Variants in FAM50A observed in about 807,000 individuals in gnomAD.
FAM50A encodes family with sequence similarity 50 member A.
FAM50A carries 6 observed loss-of-function variants against 35.5 expected under a neutral mutation model. The observed-to-expected ratio is 0.17, with a 90% confidence interval of 0.09 to 0.33. The LOEUF is 0.33. Among genes scored for constraint, FAM50A ranks in the 10% least tolerant of loss-of-function variants. The probability of loss-of-function intolerance (pLI) is 1.00; values close to 1 mark genes in which losing one functional copy is unlikely to be tolerated. For missense variants in FAM50A, 145 were observed against 295.5 expected, an observed-to-expected ratio of 0.49 and a Z score of 3.73; for synonymous variants, 120 against 110.9, an observed-to-expected ratio of 1.08 and a Z score of -0.52.
rs2068790536 is a variant in FAM50A, at chrX:154,448,419, G to C, written c.443-65G>C. ...CTCAAGGTATGCTTGGGGGACCCTG[G>C]GCGTCGGCCATATCAAAATCATTTT... On this transcript the variant is annotated intron_variant, in intron 4 of 12. Transcript: ENST00000393600. The C allele has an allele frequency of 7.1e-6, 7 of 984,956 alleles. No individual in the cohort carries two copies. In the Admixed American group the frequency reaches 1.6e-4, roughly 22 times the overall value. The allele number at this position is 984,956 out of a possible 1,213,427, so 81.2% of individuals were successfully genotyped here.
Position 154,444,173 on chromosome X carries a change from C to T in FAM50A, c.-63C>T. ...TGTTCGGCCGCCACCGCCGCTGCCG[C>T]TGCCGCTGTCGCTGTCGCCGCCGCC... On this transcript the variant is annotated 5_prime_UTR_variant, in exon 1 of 13. Coordinates refer to ENST00000393600, the MANE Select transcript of FAM50A (RefSeq NM_004699.4). The T allele has an allele frequency of 2.5e-6, 1 of 394,398 alleles. No homozygotes were observed. The highest frequency in any genetic ancestry group is 3.2e-6 in the Non-Finnish European group (1 of 309,434). 32.5% of individuals were successfully genotyped at this position (394,398 alleles called of 1,213,427 possible).
rs782048728 is a variant in FAM50A, at chrX:154,449,636, G to A, written c.726-45G>A. The A allele has an allele frequency of 6.1e-6, 7 of 1,139,992 alleles. No homozygotes were observed. In the Admixed American group the frequency reaches 1.5e-4, roughly 25 times the overall value. The allele number at this position is 1,139,992 out of a possible 1,213,427, so 93.9% of individuals were successfully genotyped here. ...TGGCTGTCTCCTCCCTCCCTGGGCA[G>A]GGGTGCTGTCCTCTTGCCCACGCCC... On this transcript the variant is annotated intron_variant, in intron 8 of 12. Coordinates refer to ENST00000393600, the MANE Select transcript of FAM50A (RefSeq NM_004699.4).
At chrX:154,446,381 A>T (rs782395976) in intron 3 of FAM50A, 34 bp from the exon 4 acceptor site, 1 of 1,179,861 alleles carries the variant, frequency 8.5e-7, no homozygotes, top group Non-Finnish European at 1.2e-6. Context: ...CGGGAAGGAC[A>T]TGATGTGTGA....
chrX:154,445,487 C>T (rs1396253257), intron 1 of FAM50A, 146 bp from the exon 2 acceptor site: 1 of 493,617 alleles, frequency 2.0e-6, no homozygotes, highest in Non-Finnish European at 3.7e-6. Flanking sequence ...GCACTCTTAG[C>T]ATTTGAAGAG....
At chrX:154,448,432 T>C (rs1263161444) in intron 4 of FAM50A, 52 bp from the exon 5 acceptor site, 4 of 1,095,150 alleles carry the variant, frequency 3.7e-6, no homozygotes, top group Admixed American at 4.4e-5. Context: ...GTCGGCCATA[T>C]CAAAATCATT....
Position 154,448,722 on chromosome X carries a change from G to A in FAM50A, c.552G>A (p.Arg184=), listed in dbSNP as rs201408833. 9.1e-6 allele frequency: 11 copies of A among 1,207,615 alleles called. No individual in the cohort carries two copies. Among genetic ancestry groups the A allele is most frequent in the Non-Finnish European group, 1.1e-5 (10 of 894,488 alleles). The stretch of plus-strand genomic sequence containing the variant: ...AGAATCGGCTTCGGGAAGAGCTGCG[G>A]CAGGAGTGGGAAGCCAAGCAGGAGA... ...EEENRLREEL[R]QEWEAKQEKI... The change falls in exon 6 of 13, where the codon CGG becomes CGA. Residue 184 remains arginine (R), a synonymous_variant. Transcript: ENST00000393600.
rs782624881 is a variant in FAM50A, at chrX:154,444,208, C to T, written c.-28C>T. ...CGCTGTCGCCGCCGCCGCCGCCCGC[C>T]GCCGCCGCCGCCGCCGCCGCCGCTG... On this transcript the variant is annotated 5_prime_UTR_variant, in exon 1 of 13. Coordinates refer to ENST00000393600, the MANE Select transcript of FAM50A (RefSeq NM_004699.4). 4 of 686,622 alleles carry T rather than the reference C, an allele frequency of 5.8e-6. No homozygotes were observed. Among genetic ancestry groups the T allele is most frequent in the Admixed American group, 7.9e-5 (1 of 12,668 alleles). 56.6% of individuals were successfully genotyped at this position (686,622 alleles called of 1,213,427 possible).
chrX:154,444,648 C>G (rs1001543955), intron 1 of FAM50A: 1 of 141,537 alleles, frequency 7.1e-6, no homozygotes, highest in Non-Finnish European at 1.4e-5. Flanking sequence ...ACGGGCCTCT[C>G]GTCGCCTCGC....
chrX:154,446,154 G>C, intron 3 of FAM50A: 1 of 445,377 alleles, frequency 2.2e-6, no homozygotes, highest in South Asian at 3.4e-5. Flanking sequence ...AGCATCCGGT[G>C]CCTGAGCAGC....
Position 154,449,876 on chromosome X carries a change from C to A in FAM50A, c.781-7C>A, listed in dbSNP as rs782646434. The stretch of plus-strand genomic sequence containing the variant: ...CAAGACGCCGCTTTCCTGCCCTTGG[C>A]TCCCAGCATCACAGCTTCTACGACT... On this transcript the variant is annotated splice_polypyrimidine_tract_variant and splice_region_variant and intron_variant, in intron 9 of 12. Coordinates refer to ENST00000393600, the MANE Select transcript of FAM50A (RefSeq NM_004699.4). 2 of 1,211,235 alleles carry A rather than the reference C, an allele frequency of 1.7e-6. No individual in the cohort carries two copies. The highest frequency in any genetic ancestry group is 5.9e-5 in the East Asian group (2 of 33,830).
chrX:154,446,077 G>A (rs782245650), intron 3 of FAM50A, among the ~76,000 whole-genome samples, 166 bp downstream of exon 3: 3 of 112,299 alleles, frequency 2.7e-5, no homozygotes, highest in Admixed American at 9.4e-5. Flanking sequence ...TCGGGTCCAC[G>A]CTCACGTCTT....
At chrX:154,444,553 T>C (rs2068774264) in intron 1 of FAM50A, 1 of 212,802 alleles carries the variant, frequency 4.7e-6, no homozygotes, top group East Asian at 7.9e-5. Context: ...AGCCGGGCGT[T>C]CTCCGAGGCT....
rs781902781 is a variant in FAM50A at position 154,445,964 on chromosome X, G to A, written c.296+53G>A. On this transcript the variant is annotated intron_variant, in intron 3 of 12. Transcript: ENST00000393600. ...ATGGAGCTAGTGCTTACGGGGTCCC[G>A]TGGCTGGTCGGGCTCTTTTTGCACC... 3.1e-5 allele frequency: 31 copies of A among 1,009,716 alleles called. No homozygotes were observed. In the African/African-American group the frequency reaches 4.7e-4, roughly 15 times the overall value. 83.2% of individuals were successfully genotyped at this position (1,009,716 alleles called of 1,213,427 possible).
At chrX:154,449,782 G>A (rs781974283) in intron 9 of FAM50A, 47 bp downstream of exon 9, 3 of 1,193,280 alleles carry the variant, frequency 2.5e-6, no homozygotes, top group Non-Finnish European at 3.4e-6. Flanking sequence ...AGCACCCTGG[G>A]CTTTGGCTCA....
chrX:154,444,407 C>T (rs1288496566), intron 1 of FAM50A, 61 bp downstream of exon 1: 1 of 746,717 alleles, frequency 1.3e-6, no homozygotes, highest in Non-Finnish European at 1.8e-6. Flanking sequence ...CCCCGCGCCA[C>T]GCTCCGGCCC....
rs1274578648 is a variant in FAM50A, at chrX:154,449,401, A to G, written c.725+104A>G. 12 of 670,962 alleles carry G rather than the reference A, an allele frequency of 1.8e-5. No homozygotes were observed. The East Asian group carries it at 2.6e-4, about 14-fold the overall frequency. 55.3% of individuals were successfully genotyped at this position (670,962 alleles called of 1,213,427 possible). A position where few individuals can be genotyped will look rare whatever the true frequency, so the allele number is the denominator to read the frequency against. ...GTGGGCGCTGTCTGGGCAAGCAAGC[A>G]GCGTGCTGGGCACTCTCCTCCCAAA... On this transcript the variant is annotated intron_variant, in intron 8 of 12. Coordinates refer to ENST00000393600, the MANE Select transcript of FAM50A (RefSeq NM_004699.4).
rs1197317563 is a variant in FAM50A at position 154,450,607 on chromosome X, AAAG to A, written c.*179_*181del. The A allele has an allele frequency of 2.1e-6, 1 of 468,299 alleles. No homozygotes were observed. The highest frequency in any genetic ancestry group is 3.7e-5 in the East Asian group (1 of 27,133). 38.6% of individuals were successfully genotyped at this position (468,299 alleles called of 1,213,427 possible). A position where few individuals can be genotyped will look rare whatever the true frequency, so the allele number is the denominator to read the frequency against. On this transcript the variant is annotated 3_prime_UTR_variant, in exon 13 of 13. Transcript: ENST00000393600. ...AGTGACTGCTTTATTCTTTTCCAAT[AAAG>A]AAGTGCACGTGTCAGAGCTGGAGCG...
Position 154,444,203 on chromosome X carries a change from CCCGCCGCCGCCGCCGCCG to C in FAM50A, c.-22_-5del, listed in dbSNP as rs781785747. On this transcript the variant is annotated 5_prime_UTR_variant, in exon 1 of 13. Transcript: ENST00000393600. ...GCTGTCGCTGTCGCCGCCGCCGCCGCCCGCCGCCGCCGCCGCCGCCGCCGCCGCTGCCATGGCTCAATA... is the reference window on the plus strand; with the variant it reads ...GCTGTCGCTGTCGCCGCCGCCGCCGCCCGCCGCCGCTGCCATGGCTCAATA... The C allele has an allele frequency of 6.2e-6, 4 of 640,017 alleles. No homozygotes were observed. Among genetic ancestry groups the C allele is most frequent in the East Asian group, 9.4e-5 (1 of 10,638 alleles). The allele number at this position is 640,017 out of a possible 1,213,427, so 52.7% of individuals were successfully genotyped here. A position where few individuals can be genotyped will look rare whatever the true frequency, so the allele number is the denominator to read the frequency against.
chrX:154,448,858 G>A lies in FAM50A; in HGVS notation c.587-35G>A, dbSNP rs782384778. On this transcript the variant is annotated intron_variant, in intron 6 of 12. Coordinates refer to ENST00000393600, the MANE Select transcript of FAM50A (RefSeq NM_004699.4). The stretch of plus-strand genomic sequence containing the variant: ...GCTGAGCCCCAAGGCTGCTCTCAGT[G>A]GGGCTGGAGACCAAGAGGCAGCTCT... 10 of 1,199,453 alleles carry A rather than the reference G, an allele frequency of 8.3e-6. No homozygotes were observed. The South Asian group carries it at 1.4e-4, about 17-fold the overall frequency.
Sources: gnomAD v4.1 joint callset for allele counts (sites outside exome capture counted in the v4.1 genomes callset) on GRCh38, gnomAD v4.1.1 for gene constraint, MANE v1.5 for transcripts, NCBI Gene and HGNC (gene_info 2026-07-23, HGNC 2026-07-21) for gene names.